The following PCDH9 variants were observed in gnomAD, a reference collection of about 807,000 sequenced individuals.
The protein encoded by PCDH9 is protocadherin 9.
In PCDH9, 24 loss-of-function variants were observed where a neutral mutation model predicts 70.6. The observed-to-expected ratio is 0.34, with a 90% CI of 0.25 to 0.48. PCDH9 has a LOEUF of 0.48. PCDH9 is among the 20% of genes least tolerant of loss of function. PCDH9 has a pLI of 0.99. For missense variants in PCDH9, 1,281 were observed against 1,503.6 expected (o/e 0.85, Z 2.45); for synonymous variants, 562 against 558.5 (o/e 1.01, Z -0.09).
rs1286434087 is a variant in PCDH9, at chr13:67,059,378, ATATATAG to A, written c.3037-155780_3037-155774del. Among the ~76,000 whole-genome samples the A allele has an allele frequency of 8.2e-5, 12 of 146,528 alleles. No homozygotes were observed. In the East Asian group the frequency reaches 1.8e-3, roughly 22 times the overall value. On this transcript the variant is annotated intron_variant, in intron 2 of 4. Coordinates refer to ENST00000377865, the MANE Select transcript of PCDH9 (RefSeq NM_203487.3). Reference sequence around the variant, plus strand: ...TTATATATATATAGTGTGTATATATATATATAGTATATAGTATATATAGTGTATATAT... The same window carrying A: ...TTATATATATATAGTGTGTATATATATATATAGTATATATAGTGTATATAT...
At chr13:66,331,128 C>A (rs896188227) in intron 4 of PCDH9, among the ~76,000 whole-genome samples, 1 of 151,940 alleles carries the variant, frequency 6.6e-6, no homozygotes, top group Non-Finnish European at 1.5e-5. Context: ...TGTGTATGTG[C>A]GTGTGTTTGC....
intron 3 of PCDH9, among the ~76,000 whole-genome samples, chr13:66,674,476 T>C (rs1427022005): frequency 6.6e-6 from 1 of 152,116 alleles, no homozygotes; most frequent in African/African-American, 2.4e-5. Flanking sequence ...AAAACTACTG[T>C]AAATGACCTC....
At chr13:67,214,935 G>GATATCTATATAT (rs2089556733) in intron 2 of PCDH9, 1 of 89,248 alleles carries the variant, frequency 1.1e-5, no homozygotes, top group African/African-American at 4.5e-5. Context: ...TTGCGAGCCA[G>GATATCTATATAT]ATATATATAT....
chr13:66,870,975 C>T (rs60929074), intron 3 of PCDH9, among the ~76,000 whole-genome samples: 2,171 of 152,216 alleles, frequency 0.014, 44 homozygotes, highest in African/African-American at 0.049. Flanking sequence ...ATAGCAAAGA[C>T]TTGGAACCAA....
chr13:66,794,675 G>C (rs889608019), intron 3 of PCDH9, among the ~76,000 whole-genome samples: 2 of 152,082 alleles, frequency 1.3e-5, no homozygotes, highest in Non-Finnish European at 2.9e-5. Context: ...GTTCAACTTT[G>C]CTTGACCTTA....
rs189694357 is a variant in PCDH9, at chr13:66,950,253, C to T, written c.3037-46648G>A. 4.6e-5 allele frequency among the ~76,000 whole-genome samples: 7 copies of T among 152,212 alleles called. No homozygotes were observed. The East Asian group carries it at 1.4e-3, about 29-fold the overall frequency. ...CTTCTGCTTCCTGTGCCTGTGACAT[C>T]CTGCAGCAACTGAGCAAAATCAGAT... On this transcript the variant is annotated intron_variant, in intron 2 of 4. Transcript: ENST00000377865.
intron 2 of PCDH9, among the ~76,000 whole-genome samples, chr13:67,010,119 C>A (rs1451434107): frequency 6.6e-6 from 1 of 152,132 alleles, no homozygotes; most frequent in East Asian, 1.9e-4. Flanking sequence ...TGGGCAGGTA[C>A]TGTGCTAAGA....
At position 66,319,541 on chromosome 13, in the gene PCDH9, G is replaced by T. The variant is rs532227065; in HGVS notation, c.3341-14513C>A. On this transcript the variant is annotated intron_variant, in intron 4 of 4. Coordinates refer to ENST00000377865, the MANE Select transcript of PCDH9 (RefSeq NM_203487.3). ...GGCACTCAAAGGTATTAATCGAAAA[G>T]AGTTTAATGAAGGAGCTTTTGTGGC... 2.0e-5 allele frequency among the ~76,000 whole-genome samples: 3 copies of T among 152,062 alleles called. No homozygotes were observed. In the South Asian group the frequency reaches 6.2e-4, roughly 32 times the overall value.
intron 4 of PCDH9, among the ~76,000 whole-genome samples, chr13:66,381,636 T>C (rs1236851545): frequency 2.0e-5 from 3 of 152,132 alleles, no homozygotes; most frequent in African/African-American, 7.2e-5. Flanking sequence ...AAAATAAGCA[T>C]ACAGCCAGTC....
chr13:66,820,246 T>C (rs2080686685), intron 3 of PCDH9, among the ~76,000 whole-genome samples: 1 of 152,188 alleles, frequency 6.6e-6, no homozygotes, highest in Non-Finnish European at 1.5e-5. Flanking sequence ...ATGCACTGTA[T>C]TAAATACTAC....
chr13:67,114,612 G>A (rs1291327908), intron 2 of PCDH9, among the ~76,000 whole-genome samples: 1 of 152,118 alleles, frequency 6.6e-6, no homozygotes, highest in African/African-American at 2.4e-5. Context: ...ATAAGGCAAA[G>A]TACTGATGTG....
At chr13:66,492,611 T>C (rs768590283) in intron 4 of PCDH9, among the ~76,000 whole-genome samples, 1 of 151,896 alleles carries the variant, frequency 6.6e-6, no homozygotes, top group Non-Finnish European at 1.5e-5. Flanking sequence ...TTAGTAACAG[T>C]GTGAGCTGTC....
chr13:66,755,730 A>G (rs373875069), intron 3 of PCDH9, among the ~76,000 whole-genome samples: 3 of 152,166 alleles, frequency 2.0e-5, no homozygotes, highest in African/African-American at 4.8e-5. Flanking sequence ...CCATCAATGG[A>G]GGACATAAAT....
At chr13:66,575,201 ATTGTTG>A (rs889721476) in intron 4 of PCDH9, among the ~76,000 whole-genome samples, 4 of 151,796 alleles carry the variant, frequency 2.6e-5, no homozygotes, top group African/African-American at 4.8e-5. Context: ...ATATATATTT[ATTGTTG>A]TTGTTGTTGT....
intron 4 of PCDH9, among the ~76,000 whole-genome samples, chr13:66,446,794 A>G (rs1452699213): frequency 1.3e-5 from 2 of 152,222 alleles, no homozygotes; most frequent in East Asian, 3.9e-4. Flanking sequence ...AGACTGTAAA[A>G]AAAATAGAAT....
At chr13:66,390,857 G>A (rs972220264) in intron 4 of PCDH9, among the ~76,000 whole-genome samples, 3 of 152,116 alleles carry the variant, frequency 2.0e-5, no homozygotes, top group Admixed American at 6.6e-5. Context: ...ATGGAGAATT[G>A]GGACTAGCTT....
intron 4 of PCDH9, among the ~76,000 whole-genome samples, chr13:66,528,012 G>A (rs368061451): frequency 6.6e-5 from 10 of 151,952 alleles, no homozygotes; most frequent in East Asian, 3.9e-4. Flanking sequence ...AGCAAGACTC[G>A]GTCTCAAAGG....
chr13:66,758,204 G>A (rs7317545), intron 3 of PCDH9, among the ~76,000 whole-genome samples: 40,137 of 151,688 alleles, frequency 0.26, 5,823 homozygotes, highest in East Asian at 0.43. Context: ...TTTTTGTGAT[G>A]AAAACACTTA....
intron 4 of PCDH9, among the ~76,000 whole-genome samples, chr13:66,370,739 C>A (rs956469538): frequency 6.6e-6 from 1 of 151,906 alleles, no homozygotes; most frequent in Non-Finnish European, 1.5e-5. Context: ...GTCTCAAACT[C>A]CTGGGCTCAA....
Sources: gnomAD v4.1 joint callset for allele counts (sites outside exome capture counted in the v4.1 genomes callset) on GRCh38, gnomAD v4.1.1 for gene constraint, MANE v1.5 for transcripts, NCBI Gene and HGNC (gene_info 2026-07-23, HGNC 2026-07-21) for gene names.